Variants in ZNF679 observed in about 807,000 individuals in gnomAD.
The protein encoded by ZNF679 is zinc finger protein 679, also known as hypothetical protein MGC42415.
In ZNF679, 10 loss-of-function variants were observed where a neutral mutation model predicts 13.4. That is an observed-to-expected ratio of 0.75 (90% CI 0.46 to 1.27). The LOEUF is 1.27. Ranked by LOEUF, ZNF679 falls within the 50% of genes most tolerant of loss-of-function variation. The probability of loss-of-function intolerance (pLI) is 0.00; values close to 1 mark genes in which losing one functional copy is unlikely to be tolerated. For synonymous variants in ZNF679, 179 were observed against 162.5 expected (o/e 1.10, Z -0.77); for missense variants, 525 against 477.8 (o/e 1.10, Z -0.92).
At chr7:64,249,554 A>G (rs1427756090) in intron 2 of ZNF679, among the ~76,000 whole-genome samples, 4 of 152,174 alleles carry the variant, frequency 2.6e-5, no homozygotes, top group South Asian at 2.1e-4. Context: ...TTAGAAATGT[A>G]TGGGAGTCAC....
intron 1 of ZNF679, among the ~76,000 whole-genome samples, chr7:64,245,254 C>G (rs1296131004): frequency 6.6e-6 from 1 of 152,056 alleles, no homozygotes; most frequent in Non-Finnish European, 1.5e-5. Context: ...TTGAACCCCC[C>G]CACTCAGGTG....
Position 64,232,713 on chromosome 7 carries a change from C to T in ZNF679, c.-91+4061C>T, listed in dbSNP as rs150737839. Among the ~76,000 whole-genome samples, 333 of 152,238 alleles carry T rather than the reference C, an allele frequency of 2.2e-3. 1 individual carries two copies. The highest frequency in any genetic ancestry group is 6.6e-3 in the African/African-American group (274 of 41,542). On this transcript the variant is annotated intron_variant, in intron 1 of 4. Transcript: ENST00000421025. ...TGATTTTCACAATCCCCTTTGTAAT[C>T]AGGGCCCAGGCAGGAGAGAAGAGTC...
chr7:64,246,358 A>G (rs1005954400), intron 1 of ZNF679, among the ~76,000 whole-genome samples: 3 of 152,092 alleles, frequency 2.0e-5, no homozygotes, highest in African/African-American at 7.2e-5. Context: ...TCCTTTTGTG[A>G]TTCACTGAAA....
At chr7:64,233,530 CAGTT>C (rs920862991) in intron 1 of ZNF679, among the ~76,000 whole-genome samples, 2 of 151,952 alleles carry the variant, frequency 1.3e-5, no homozygotes, top group Non-Finnish European at 2.9e-5. Context: ...TTTTTCCTCT[CAGTT>C]AGGATCTGGT....
At chr7:64,261,354 A>T (rs547344946) in intron 4 of ZNF679, among the ~76,000 whole-genome samples, 16 of 152,222 alleles carry the variant, frequency 1.1e-4, no homozygotes, top group Non-Finnish European at 2.1e-4. Flanking sequence ...TGCACATGCC[A>T]TTCTGTTGTC....
intron 2 of ZNF679, among the ~76,000 whole-genome samples, chr7:64,254,526 G>A (rs958963129): frequency 1.3e-5 from 2 of 151,612 alleles, no homozygotes; most frequent in African/African-American, 2.4e-5. Context: ...TTTCTTGGTT[G>A]CATGTTTTAT....
intron 2 of ZNF679, 85 bp downstream of exon 2, chr7:64,249,241 C>T (rs1562844075): frequency 1.2e-6 from 2 of 1,610,788 alleles, no homozygotes; most frequent in Admixed American, 1.7e-5. Flanking sequence ...CCCAAACTTC[C>T]TCGCAGTCAG....
chr7:64,239,148 A>AG, intron 1 of ZNF679, among the ~76,000 whole-genome samples: 1 of 152,146 alleles, frequency 6.6e-6, no homozygotes, highest in Middle Eastern at 3.2e-3. Context: ...CTCATGATTG[A>AG]GGTTCTGAAT....
chr7:64,253,182 C>A (rs1787964344), intron 2 of ZNF679, among the ~76,000 whole-genome samples: 1 of 152,152 alleles, frequency 6.6e-6, no homozygotes, highest in Admixed American at 6.5e-5. Context: ...TCTCATTGAG[C>A]TATAAAATAT....
At chr7:64,260,510 C>T (rs1267713824) in intron 3 of ZNF679, among the ~76,000 whole-genome samples, 163 bp downstream of exon 3, 1 of 152,078 alleles carries the variant, frequency 6.6e-6, no homozygotes, top group East Asian at 1.9e-4. Context: ...GATGTTTTAT[C>T]TTGACCTGAA....
intron 1 of ZNF679, among the ~76,000 whole-genome samples, chr7:64,241,751 A>G (rs1787801604): frequency 6.6e-6 from 1 of 152,208 alleles, no homozygotes; most frequent in Admixed American, 6.5e-5. Context: ...CTTCACTTTG[A>G]TGATTGGCCC....
rs1194382013 is a variant in ZNF679 at position 64,260,941 on chromosome 7, T to A, written c.262+12T>A. 1 of 1,606,132 alleles carries A rather than the reference T, an allele frequency of 6.2e-7. No individual in the cohort carries two copies. Among genetic ancestry groups the A allele is most frequent in the East Asian group, 2.2e-5 (1 of 44,632 alleles). The stretch of plus-strand genomic sequence containing the variant: ...AACCAAACACCCAGGTAAGTGAGAG[T>A]GGATGAAGCGGATGACACAGATGAG... On this transcript the variant is annotated intron_variant, in intron 4 of 4. Coordinates refer to ENST00000421025, the MANE Select transcript of ZNF679 (RefSeq NM_153363.3).
At chr7:64,241,390 G>A (rs1465309179) in intron 1 of ZNF679, among the ~76,000 whole-genome samples, 1 of 152,046 alleles carries the variant, frequency 6.6e-6, no homozygotes, top group Non-Finnish European at 1.5e-5. Context: ...TGTCACAATT[G>A]CCACTTTGGG....
intron 1 of ZNF679, among the ~76,000 whole-genome samples, chr7:64,238,830 C>T (rs535572352): frequency 6.6e-6 from 1 of 152,338 alleles, no homozygotes; most frequent in South Asian, 2.1e-4. Flanking sequence ...ACTCTCACTG[C>T]ACCTGCCCAT....
chr7:64,236,930 AAAGAAAGAAAGAAAGAAAGAAAGAAAG>A (rs1787725312), intron 1 of ZNF679, among the ~76,000 whole-genome samples: 1 of 39,600 alleles, frequency 2.5e-5, no homozygotes, highest in Non-Finnish European at 4.6e-5. Context: ...AAGAAGAAAG[AAAGAAAGAAAGAAAGAAAGAAAGAAAG>A]AAAGAAAGAA....
chr7:64,230,469 C>G (rs1787621879), intron 1 of ZNF679, among the ~76,000 whole-genome samples: 1 of 149,998 alleles, frequency 6.7e-6, no homozygotes, highest in Non-Finnish European at 1.5e-5. Flanking sequence ...GGAAGCGGAG[C>G]TTGCAGTGAG....
chr7:64,254,696 G>A (rs1380269430), intron 2 of ZNF679, among the ~76,000 whole-genome samples: 1 of 152,102 alleles, frequency 6.6e-6, no homozygotes, highest in Non-Finnish European at 1.5e-5. Flanking sequence ...TATGCAGTAA[G>A]GGCAATATGA....
intron 2 of ZNF679, among the ~76,000 whole-genome samples, chr7:64,249,419 G>A (rs577735102): frequency 2.8e-4 from 43 of 152,268 alleles, no homozygotes; most frequent in Middle Eastern, 3.4e-3. Flanking sequence ...CACTCCCAGC[G>A]CCTCATCTCA....
intron 1 of ZNF679, among the ~76,000 whole-genome samples, chr7:64,241,880 T>A (rs533910396): frequency 6.6e-6 from 1 of 152,262 alleles, no homozygotes; most frequent in African/African-American, 2.4e-5. Context: ...GACAATACAG[T>A]AAAATTAATC....
Sources: gnomAD v4.1 joint callset for allele counts (sites outside exome capture counted in the v4.1 genomes callset) on GRCh38, gnomAD v4.1.1 for gene constraint, MANE v1.5 for transcripts, NCBI Gene and HGNC (gene_info 2026-07-23, HGNC 2026-07-21) for gene names.